Variants in CNOT3 observed in about 807,000 individuals in gnomAD.
CNOT3 encodes CCR4-NOT transcription complex subunit 3.
CNOT3 carries 2 observed loss-of-function variants against 89.4 expected under a neutral mutation model. That is an observed-to-expected ratio of 0.02 (90% CI 0.01 to 0.07). The LOEUF (loss-of-function observed/expected upper bound fraction) is 0.07, where lower values mean the gene tolerates loss of function less well. CNOT3 is among the 10% of genes least tolerant of loss of function. CNOT3 has a pLI of 1.00. For missense variants in CNOT3, 664 were observed against 1,010.2 expected, an observed-to-expected ratio of 0.66 and a Z score of 4.65; for synonymous variants, 486 against 402.0, an observed-to-expected ratio of 1.21 and a Z score of -2.50.
intron 15 of CNOT3, 49 bp from the exon 16 acceptor site, chr19:54,152,818 C>G: frequency 2.1e-6 from 2 of 941,052 alleles, no homozygotes; most frequent in Non-Finnish European, 3.4e-6. Flanking sequence ...CTTTTGATCA[C>G]GACAGGACTA....
intron 10 of CNOT3, among the ~76,000 whole-genome samples, chr19:54,147,149 C>T (rs114546995): frequency 1.3e-5 from 2 of 152,204 alleles, no homozygotes; most frequent in East Asian, 3.9e-4. Flanking sequence ...GCTGATAATA[C>T]ACACTGCAAA....
In CNOT3 at chr19:54,155,580, G is replaced by C. The variant is rs1157961707; in HGVS notation, c.*173G>C. 7.9e-6 allele frequency: 8 copies of C among 1,006,680 alleles called. No individual in the cohort carries two copies. The highest frequency in any genetic ancestry group is 6.5e-5 in the African/African-American group (4 of 61,424). The allele number at this position is 1,006,680 out of a possible 1,614,324, so 62.4% of individuals were successfully genotyped here. A position where few individuals can be genotyped will look rare whatever the true frequency, so the allele number is the denominator to read the frequency against. ...CCTCTCAGCCCCACCCTGGGGGCCC[G>C]GGGGCGAGGGCTGCCCCCTCCTCCC... On this transcript the variant is annotated 3_prime_UTR_variant, in exon 18 of 18. Coordinates refer to ENST00000221232, the MANE Select transcript of CNOT3 (RefSeq NM_014516.4).
Position 54,155,515 on chromosome 19 carries a change from C to T in CNOT3, c.*108C>T. On this transcript the variant is annotated 3_prime_UTR_variant, in exon 18 of 18. Coordinates refer to ENST00000221232, the MANE Select transcript of CNOT3 (RefSeq NM_014516.4). ...AGGGAGGCCCCAAGCCACGGGGCATCCCCCTCTCCCAGGAAGCAGGGAGGG... is the reference window on the plus strand; with the variant it reads ...AGGGAGGCCCCAAGCCACGGGGCATTCCCCTCTCCCAGGAAGCAGGGAGGG... 1 of 925,536 alleles carries T rather than the reference C, an allele frequency of 1.1e-6. No homozygotes were observed. The highest frequency in any genetic ancestry group is 1.6e-6 in the Non-Finnish European group (1 of 621,196). 57.3% of individuals were successfully genotyped at this position (925,536 alleles called of 1,614,324 possible). A position where few individuals can be genotyped will look rare whatever the true frequency, so the allele number is the denominator to read the frequency against.
In CNOT3 at chr19:54,148,872, C is replaced by A; in HGVS notation, c.1406+129C>A. 1.3e-6 allele frequency: 1 copy of A among 747,256 alleles called. No individual in the cohort carries two copies. The highest frequency in any genetic ancestry group is 2.7e-5 in the East Asian group (1 of 36,458). The allele number at this position is 747,256 out of a possible 1,614,324, so 46.3% of individuals were successfully genotyped here. A position where few individuals can be genotyped will look rare whatever the true frequency, so the allele number is the denominator to read the frequency against. ...GCTGCTGGGAATGGCCAAGCGCTAT[C>A]CTCCATCTCCCTCGGGTGTTACACC... On this transcript the variant is annotated intron_variant, in intron 12 of 17. Coordinates refer to ENST00000221232, the MANE Select transcript of CNOT3 (RefSeq NM_014516.4). The surrounding 1 kb of genome is among the most constrained non-coding windows in gnomAD (Gnocchi z 6.3).
intron 1 of CNOT3, among the ~76,000 whole-genome samples, chr19:54,139,096 C>T (rs866603670): frequency 6.6e-6 from 1 of 152,218 alleles, no homozygotes; most frequent in South Asian, 2.1e-4. Flanking sequence ...TGAGCTCCCA[C>T]TGCGGGCAGC....
intron 1 of CNOT3, chr19:54,141,659 C>CT (rs1168051279): frequency 6.6e-6 from 1 of 152,212 alleles, no homozygotes; most frequent in African/African-American, 2.4e-5. Flanking sequence ...GGTGAGGACT[C>CT]TTTTGGTGTG....
At position 54,144,199 on chromosome 19, in the gene CNOT3, C is replaced by A. The variant is rs2074564976; in HGVS notation, c.388-38C>A. 6.2e-7 allele frequency: 1 copy of A among 1,613,404 alleles called. No individual in the cohort carries two copies. Among genetic ancestry groups the A allele is most frequent in the Non-Finnish European group, 8.5e-7 (1 of 1,179,604 alleles). Reference sequence around the variant, plus strand: ...CCTGAGCCCTGGGTGTAGGCGGAACCCTAGCTGATGGGCTTCCTCTTCCTC... The same window carrying A: ...CCTGAGCCCTGGGTGTAGGCGGAACACTAGCTGATGGGCTTCCTCTTCCTC... On this transcript the variant is annotated intron_variant, in intron 6 of 17. Coordinates refer to ENST00000221232, the MANE Select transcript of CNOT3 (RefSeq NM_014516.4). The surrounding 1 kb of genome is among the most constrained non-coding windows in gnomAD (Gnocchi z 4.8).
intron 17 of CNOT3, chr19:54,154,162 T>A: frequency 1.8e-6 from 1 of 540,588 alleles, no homozygotes; most frequent in Non-Finnish European, 3.6e-6. Flanking sequence ...ATTTTCCCAG[T>A]ATGTGTCCCT....
chr19:54,143,415 G>A (rs763738692), intron 3 of CNOT3, 27 bp from the exon 4 acceptor site: 5 of 1,611,932 alleles, frequency 3.1e-6, no homozygotes, highest in East Asian at 2.2e-5. Context: ...CTCCCACACT[G>A]ACTTCTCAAT....
At chr19:54,151,376 C>T (rs587658356) in intron 13 of CNOT3, among the ~76,000 whole-genome samples, 2 of 151,858 alleles carry the variant, frequency 1.3e-5, no homozygotes, top group African/African-American at 4.8e-5. Flanking sequence ...CATGGTGGCA[C>T]GACAGGGAAG....
Position 54,155,118 on chromosome 19 carries a change from G to T in CNOT3, c.2164-191G>T, listed in dbSNP as rs954182002. The T allele has an allele frequency of 9.6e-6, 6 of 628,178 alleles. No individual in the cohort carries two copies. The South Asian group carries it at 1.3e-4, about 13-fold the overall frequency. 38.9% of individuals were successfully genotyped at this position (628,178 alleles called of 1,614,324 possible). A position where few individuals can be genotyped will look rare whatever the true frequency, so the allele number is the denominator to read the frequency against. ...CGGCCCCCTCCGTTTCCTCCTCGCT[G>T]AAGTGGCATGATAACATTTCCTACC... On this transcript the variant is annotated intron_variant, in intron 17 of 17. Coordinates refer to ENST00000221232, the MANE Select transcript of CNOT3 (RefSeq NM_014516.4).
chr19:54,144,952 T>G lies in CNOT3; in HGVS notation c.483+620T>G, dbSNP rs1454760179. The stretch of plus-strand genomic sequence containing the variant: ...GTCAGGAAGTGGAAGATGACAGGGT[T>G]GGGTGTCAGACTCTGAGGGGTTTGG... On this transcript the variant is annotated intron_variant, in intron 7 of 17. Transcript: ENST00000221232. The surrounding 1 kb of genome is among the most constrained non-coding windows in gnomAD (Gnocchi z 4.8). Among the ~76,000 whole-genome samples, 2 of 151,814 alleles carry G rather than the reference T, an allele frequency of 1.3e-5. No homozygotes were observed. Among genetic ancestry groups the G allele is most frequent in the Non-Finnish European group, 2.9e-5 (2 of 67,956 alleles).
intron 17 of CNOT3, 22 bp from the exon 18 acceptor site, chr19:54,155,287 G>C (rs2075351065): frequency 3.7e-6 from 6 of 1,612,022 alleles, no homozygotes; most frequent in Non-Finnish European, 5.1e-6. Flanking sequence ...TCCACTCACT[G>C]ACCGCCTTCT....
intron 1 of CNOT3, among the ~76,000 whole-genome samples, chr19:54,139,327 A>G (rs1158507419): frequency 1.3e-5 from 2 of 152,144 alleles, no homozygotes; most frequent in Non-Finnish European, 2.9e-5. Context: ...TATTTGCATC[A>G]GATCCCACAC....
At chr19:54,150,911 C>T (rs915583958) in intron 13 of CNOT3, among the ~76,000 whole-genome samples, 5 of 152,040 alleles carry the variant, frequency 3.3e-5, no homozygotes, top group Non-Finnish European at 7.4e-5. Flanking sequence ...CTGCCGCAGC[C>T]TACTGAGTAG....
chr19:54,147,143 A>G (rs1336269754), intron 10 of CNOT3, among the ~76,000 whole-genome samples: 5 of 152,196 alleles, frequency 3.3e-5, no homozygotes, highest in African/African-American at 1.2e-4. Flanking sequence ...TGCTGTGCTG[A>G]TAATACACAC....
chr19:54,151,734 G>A (rs954987216), intron 13 of CNOT3, among the ~76,000 whole-genome samples: 1 of 152,184 alleles, frequency 6.6e-6, no homozygotes, highest in Non-Finnish European at 1.5e-5. Flanking sequence ...CAAGGAGACT[G>A]AAGCCTAGCC....
At chr19:54,154,427 A>T (rs1345090943) in intron 17 of CNOT3, 2 of 218,056 alleles carry the variant, frequency 9.2e-6, no homozygotes, top group East Asian at 2.1e-4. Context: ...TATCTGTAAA[A>T]ATGGGGGGAA....
intron 1 of CNOT3, chr19:54,142,690 A>G (rs987238144): frequency 1.9e-5 from 11 of 582,990 alleles, no homozygotes; most frequent in Non-Finnish European, 3.1e-5. Context: ...AGTCAGAGGC[A>G]CACAAAAAAG....
Sources: allele counts gnomAD v4.1 joint callset (sites outside exome capture counted in the v4.1 genomes callset), GRCh38; gene constraint gnomAD v4.1.1; non-coding constraint Gnocchi (gnomAD v3.1); transcripts MANE v1.5; gene names NCBI Gene and HGNC (gene_info 2026-07-23, HGNC 2026-07-21).